TMPRSS7: variants seen among roughly 807,000 people sequenced by gnomAD.
The protein encoded by TMPRSS7 is transmembrane protease serine 7.
TMPRSS7 carries 81 observed loss-of-function variants against 95.6 expected under a neutral mutation model. The ratio of observed to expected loss-of-function variants is 0.85; its 90% CI spans 0.71 to 1.02. The LOEUF (loss-of-function observed/expected upper bound fraction) is 1.02. Among genes scored for constraint, TMPRSS7 ranks in the 50% least tolerant of loss-of-function variants. The probability of loss-of-function intolerance (pLI) is 0.00; values close to 1 mark genes in which losing one functional copy is unlikely to be tolerated. For missense variants in TMPRSS7, 945 were observed against 955.2 expected (o/e 0.99, Z 0.14); for synonymous variants, 364 against 337.8 (o/e 1.08, Z -0.85).
intron 8 of TMPRSS7, among the ~76,000 whole-genome samples, chr3:112,050,235 A>G (rs1458252656): frequency 1.3e-5 from 2 of 152,234 alleles, no homozygotes; most frequent in Non-Finnish European, 2.9e-5. Context: ...TGGATGTAAC[A>G]TGTGCAGAAA....
chr3:112,037,907 T>C lies in TMPRSS7; in HGVS notation c.49-165T>C, dbSNP rs578132685. Among the ~76,000 whole-genome samples the C allele has an allele frequency of 3.6e-4, 55 of 152,334 alleles. No individual in the cohort carries two copies. In the Middle Eastern group the frequency reaches 0.01, roughly 28 times the overall value. ...TCTTAATTTTGTGACTTGGTGCAAA[T>C]CAAGTTATTATACTTATGTAAATAA... On this transcript the variant is annotated intron_variant, in intron 1 of 17. Coordinates refer to ENST00000452346, the Ensembl canonical transcript of TMPRSS7.
chr3:112,057,935 G>A (rs914186518), intron 10 of TMPRSS7, among the ~76,000 whole-genome samples: 5 of 151,858 alleles, frequency 3.3e-5, no homozygotes, highest in Admixed American at 6.6e-5. Context: ...CATGTTGGCC[G>A]GGCTGGTGTC....
chr3:112,035,793 G>A (rs2073146638), intron 1 of TMPRSS7, among the ~76,000 whole-genome samples: 1 of 152,092 alleles, frequency 6.6e-6, no homozygotes, highest in Admixed American at 6.6e-5. Context: ...TAAAAGAGGA[G>A]GAAGGGAAAC....
intron 4 of TMPRSS7, among the ~76,000 whole-genome samples, chr3:112,045,300 A>G (rs1263563368): frequency 6.6e-6 from 1 of 152,128 alleles, no homozygotes; most frequent in Non-Finnish European, 1.5e-5. Context: ...GGCACCTGCC[A>G]GTATGCCTGG....
intron 13 of TMPRSS7, among the ~76,000 whole-genome samples, chr3:112,072,202 G>A (rs1237799085): frequency 1.3e-5 from 2 of 152,198 alleles, no homozygotes; most frequent in Non-Finnish European, 2.9e-5. Context: ...TAACAGTCAG[G>A]TCCCTCAGCT....
At chr3:112,070,314 G>C (rs1250641623) in intron 13 of TMPRSS7, among the ~76,000 whole-genome samples, 1 of 152,190 alleles carries the variant, frequency 6.6e-6, no homozygotes, top group South Asian at 2.1e-4. Flanking sequence ...TGTTGATTTG[G>C]GGTAGAGAGT....
At chr3:112,072,929 C>T (rs1255808860) in intron 13 of TMPRSS7, among the ~76,000 whole-genome samples, 2 of 152,048 alleles carry the variant, frequency 1.3e-5, no homozygotes, top group Non-Finnish European at 2.9e-5. Flanking sequence ...GGGTATATAC[C>T]CAGTAATGGG....
In TMPRSS7 at chr3:112,034,998, T is replaced by C. The variant is rs1022190850; in HGVS notation, c.48+105T>C. 6.6e-5 allele frequency: 43 copies of C among 652,580 alleles called. No individual in the cohort carries two copies. In the African/African-American group the frequency reaches 7.7e-4, roughly 12 times the overall value. The allele number at this position is 652,580 out of a possible 1,614,324, so 40.4% of individuals were successfully genotyped here. A position where few individuals can be genotyped will look rare whatever the true frequency, so the allele number is the denominator to read the frequency against. ...CTTATAAACATAAAGGAAACAATAA[T>C]AAAATATTTTATCTTCTTATGGTAA... is the stretch of plus-strand genomic sequence containing the variant. On this transcript the variant is annotated intron_variant, in intron 1 of 17. Transcript: ENST00000452346.
intron 3 of TMPRSS7, among the ~76,000 whole-genome samples, chr3:112,042,618 T>C (rs2073223941): frequency 6.6e-6 from 1 of 152,244 alleles, no homozygotes; most frequent in Non-Finnish European, 1.5e-5. Context: ...TTCAGTTTTA[T>C]AAACTAACAT....
chr3:112,048,058 A>G, intron 7 of TMPRSS7, 91 bp downstream of exon 7: 2 of 1,302,380 alleles, frequency 1.5e-6, no homozygotes, highest in Non-Finnish European at 2.2e-6. Context: ...TTTTTTTTAA[A>G]AACAGTTTTT....
intron 14 of TMPRSS7, 72 bp downstream of exon 14, chr3:112,074,484 C>T: frequency 1.7e-6 from 2 of 1,174,576 alleles, no homozygotes. Flanking sequence ...ATTTTCATTC[C>T]CTTCTTGGTG....
chr3:112,072,067 T>G (rs2073655073), intron 13 of TMPRSS7, among the ~76,000 whole-genome samples: 1 of 152,224 alleles, frequency 6.6e-6, no homozygotes, highest in Non-Finnish European at 1.5e-5. Context: ...CTCTGGTTTC[T>G]CCCCATCTTT....
intron 2 of TMPRSS7, among the ~76,000 whole-genome samples, chr3:112,040,851 G>A (rs1461034428): frequency 2.0e-5 from 3 of 152,108 alleles, no homozygotes; most frequent in Non-Finnish European, 4.4e-5. Context: ...GGGTGGCCTT[G>A]AAAAAGGAGG....
At chr3:112,041,767 C>T (rs1355151762) in intron 2 of TMPRSS7, among the ~76,000 whole-genome samples, 153 bp from the exon 3 acceptor site, 1 of 152,104 alleles carries the variant, frequency 6.6e-6, no homozygotes, top group Non-Finnish European at 1.5e-5. Context: ...ATGTTGTTAC[C>T]TACATTTAAA....
intron 13 of TMPRSS7, among the ~76,000 whole-genome samples, chr3:112,071,633 C>A (rs975121397): frequency 2.6e-5 from 4 of 152,130 alleles, no homozygotes; most frequent in African/African-American, 7.2e-5. Context: ...TTCTTGGAGA[C>A]CTTGTTCATT....
chr3:112,063,952 T>C (rs1460635265), intron 12 of TMPRSS7, among the ~76,000 whole-genome samples: 1 of 152,176 alleles, frequency 6.6e-6, no homozygotes, highest in Non-Finnish European at 1.5e-5. Context: ...GGGCTAGTCA[T>C]GGCAGTGGCA....
At chr3:112,057,362 A>G (rs2073445466) in intron 10 of TMPRSS7, among the ~76,000 whole-genome samples, 1 of 152,206 alleles carries the variant, frequency 6.6e-6, no homozygotes, top group South Asian at 2.1e-4. Flanking sequence ...GCTGGGCTAC[A>G]GATATGTATA....
At chr3:112,049,786 G>C in intron 7 of TMPRSS7, 58 bp from the exon 8 acceptor site, 1 of 1,386,228 alleles carries the variant, frequency 7.2e-7, no homozygotes, top group Non-Finnish European at 9.7e-7. Flanking sequence ...TTTGAATGGA[G>C]ACCCATTTCT....
At chr3:112,049,390 A>G (rs1414571756) in intron 7 of TMPRSS7, among the ~76,000 whole-genome samples, 2 of 152,168 alleles carry the variant, frequency 1.3e-5, no homozygotes, top group Non-Finnish European at 2.9e-5. Flanking sequence ...TTAAAATGCC[A>G]AGGACCTGGA....
Sources: allele counts gnomAD v4.1 joint callset (sites outside exome capture counted in the v4.1 genomes callset), GRCh38; gene constraint gnomAD v4.1.1; transcripts MANE v1.5; gene names NCBI Gene and HGNC (gene_info 2026-07-23, HGNC 2026-07-21).